The following NPHS1 variants were observed in gnomAD, a reference collection of about 807,000 sequenced individuals.
The protein encoded by NPHS1 is NPHS1 adhesion molecule, nephrin.
In NPHS1, 107 loss-of-function variants were observed where a neutral mutation model predicts 139.7. That is an observed-to-expected ratio of 0.77 (90% confidence interval 0.66 to 0.90). The LOEUF is 0.90. NPHS1 is among the 40% of genes least tolerant of loss of function. The pLI is 0.00. For synonymous variants in NPHS1, 707 were observed against 706.6 expected, an observed-to-expected ratio of 1.00 and a Z score of -0.01; for missense variants, 1,580 against 1,654.2, an observed-to-expected ratio of 0.96 and a Z score of 0.78.
Position 35,851,024 on chromosome 19 carries a change from C to G in NPHS1, c.463G>C (p.Glu155Gln). Residue 155 changes from glutamate to glutamine, a missense_variant, in exon 4 of 29, where the codon GAG (glutamate) becomes CAG (glutamine). Physicochemically the swap from Glu to Gln is conservative, Grantham distance 29. Coordinates refer to ENST00000378910, the MANE Select transcript of NPHS1 (RefSeq NM_004646.4). ...CCAGACACACAGTTGACCACGTACT[C>G]CTGCCCAGCTACCCAGGTGACCATG... is the stretch of plus-strand genomic sequence containing the variant. Reference protein sequence around the residue: ...GTMVTWVAGQEYVVNCVSGDA... With the variant: ...GTMVTWVAGQQYVVNCVSGDA... 6.2e-7 allele frequency: 1 copy of G among 1,614,204 alleles called. No homozygotes were observed. The highest frequency in any genetic ancestry group is 8.5e-7 in the Non-Finnish European group (1 of 1,180,042).
At chr19:35,840,921 C>T (rs948273703) in intron 20 of NPHS1, among the ~76,000 whole-genome samples, 9 of 149,790 alleles carry the variant, frequency 6.0e-5, no homozygotes, top group African/African-American at 1.5e-4. Context: ...GTGATCTGCC[C>T]GCCTCAGCCT....
chr19:35,835,278 G>A (rs1972941977), intron 23 of NPHS1, among the ~76,000 whole-genome samples: 1 of 146,538 alleles, frequency 6.8e-6, no homozygotes, highest in African/African-American at 2.5e-5. Flanking sequence ...CAATTCTGCA[G>A]GGACAGAACT....
Position 35,839,285 on chromosome 19 carries a change from C to G in NPHS1, c.3061G>C (p.Asp1021His), listed in dbSNP as rs534134186. 6.2e-7 allele frequency: 1 copy of G among 1,614,196 alleles called. No individual in the cohort carries two copies. Among genetic ancestry groups the G allele is most frequent in the Non-Finnish European group, 8.5e-7 (1 of 1,180,028 alleles). ...GTCCCTTTGTCAGCCAGTCCACTGT[C>G]CCCCAAGGCATTACTGGCCAGCAGC... ...VWLLASNALGDSGLADKGTQL... is the reference protein window; with the variant it reads ...VWLLASNALGHSGLADKGTQL... The change falls in exon 22 of 29, where the codon GAC becomes CAC. Residue 1021 changes from aspartate to histidine, a missense_variant. Physicochemically the swap from Asp to His is moderately conservative, Grantham distance 81 (BLOSUM62 -1). Transcript: ENST00000378910.
Position 35,826,090 on chromosome 19 carries a change from C to T in NPHS1, c.*424G>A. On this transcript the variant is annotated 3_prime_UTR_variant, in exon 29 of 29. Transcript: ENST00000378910. ...CCTCCCAAGTAGCTGGGACTACAGG[C>T]ATGCGCCACTACTCCTGGCTAATTT... The T allele has an allele frequency of 4.7e-6, 1 of 213,616 alleles. No homozygotes were observed. Among genetic ancestry groups the T allele is most frequent in the Non-Finnish European group, 9.7e-6 (1 of 103,154 alleles). 13.2% of individuals were successfully genotyped at this position (213,616 alleles called of 1,614,324 possible).
At position 35,830,835 on chromosome 19, in the gene NPHS1, G is replaced by C; in HGVS notation, c.3594+9C>G. Reference sequence around the variant, plus strand: ...CAGGAAGGATGGTTGCTGATGCAAAGCTTCTCACCATCTGCACTTCATCGT... The same window carrying C: ...CAGGAAGGATGGTTGCTGATGCAAACCTTCTCACCATCTGCACTTCATCGT... On this transcript the variant is annotated intron_variant, in intron 28 of 28. Transcript: ENST00000378910. 2 of 1,538,008 alleles carry C rather than the reference G, an allele frequency of 1.3e-6. No homozygotes were observed. The highest frequency in any genetic ancestry group is 1.8e-6 in the Non-Finnish European group (2 of 1,110,384).
rs1057517413 is a variant in NPHS1, at chr19:35,848,795, C to G, written c.1013-1G>C. 6.2e-7 allele frequency: 1 copy of G among 1,614,208 alleles called. No homozygotes were observed. The highest frequency in any genetic ancestry group is 1.7e-5 in the Admixed American group (1 of 60,030). On this transcript the variant is annotated splice_acceptor_variant, in intron 8 of 28. Transcript: ENST00000378910. LOFTEE classifies it high-confidence loss of function. ...AAGATAATAATGGCACTAGGGGGAA[C>G]TGCAGGGACAGAGAAGGAAGACACT...
rs1311946755 is a variant in NPHS1 at position 35,844,154 on chromosome 19, A to T, written c.2161T>A (p.Cys721Ser). 2 of 1,610,266 alleles carry T rather than the reference A, an allele frequency of 1.2e-6. No homozygotes were observed. Among genetic ancestry groups the T allele is most frequent in the Admixed American group, 3.3e-5 (2 of 60,012 alleles). Residue 721 changes from cysteine (C) to serine (S), a missense_variant, in exon 16 of 29, where the codon TGC (cysteine) becomes AGC (serine). Coordinates refer to ENST00000378910, the MANE Select transcript of NPHS1 (RefSeq NM_004646.4). Reference protein sequence around the residue: ...RADDGLYQLHCQNSEGTAEAR... With the variant: ...RADDGLYQLHSQNSEGTAEAR... Reference sequence around the variant, plus strand: ...TCCGCGGTGCCCTCAGAGTTCTGGCAGTGCAGCTGATAGAGGCCGTCGTCC... The same window carrying T: ...TCCGCGGTGCCCTCAGAGTTCTGGCTGTGCAGCTGATAGAGGCCGTCGTCC...
In NPHS1 at chr19:35,846,094, A is replaced by C. The variant is rs1395048156; in HGVS notation, c.1541T>G (p.Val514Gly). 6.3e-7 allele frequency: 1 copy of C among 1,596,800 alleles called. No individual in the cohort carries two copies. The highest frequency in any genetic ancestry group is 1.7e-5 in the Admixed American group (1 of 57,398). Reference protein sequence around the residue: ...KSGSTFSRELVLVTGPSDNQA... With the variant: ...KSGSTFSRELGLVTGPSDNQA... Reference sequence around the variant, plus strand: ...GTTGTCCGACGGCCCTGTGACCAGCACCAGCTCTCGGGAGAAGGTGCTCCC... The same window carrying C: ...GTTGTCCGACGGCCCTGTGACCAGCCCCAGCTCTCGGGAGAAGGTGCTCCC... The change falls in exon 12 of 29, where the codon GTG becomes GGG. Residue 514 changes from valine (V) to glycine (G), a missense_variant. Transcript: ENST00000378910.
intron 28 of NPHS1, among the ~76,000 whole-genome samples, chr19:35,829,973 A>G (rs1269397291): frequency 6.6e-6 from 1 of 152,182 alleles, no homozygotes; most frequent in Admixed American, 6.5e-5. Flanking sequence ...AGCCATAAAA[A>G]CATTTTTAGG....
chr19:35,830,450 C>T (rs956097282), intron 28 of NPHS1, among the ~76,000 whole-genome samples: 11 of 152,226 alleles, frequency 7.2e-5, no homozygotes, highest in African/African-American at 2.7e-4. Context: ...TGCTCTGTTG[C>T]CCAAGCTGGA....
At position 35,845,767 on chromosome 19, in the gene NPHS1, G is replaced by A. The variant is rs1211725824; in HGVS notation, c.1659C>T (p.Asn553=). The A allele has an allele frequency of 1.2e-6, 2 of 1,614,078 alleles. No homozygotes were observed. Among genetic ancestry groups the A allele is most frequent in the Non-Finnish European group, 8.5e-7 (1 of 1,179,934 alleles). The part of the protein sequence containing the change: ...FPPTNVTILA[N]ASALRPGDAL... ...CGTCTCCCGGGCGCAGTGCGGATGC[G>A]TTGGCCAGGATCGTCACGTTAGTTG... The change falls in exon 13 of 29, where the codon AAC becomes AAT. Residue 553 remains asparagine (N), a synonymous_variant. Transcript: ENST00000378910. This position sits in a 1 kb window ranked among gnomAD's most constrained non-coding sequence, Gnocchi z 5.5.
Position 35,844,174 on chromosome 19 carries a change from T to C in NPHS1, c.2141A>G (p.Asp714Gly). ...LHLWNVTRAD[D>G]GLYQLHCQNS... The stretch of plus-strand genomic sequence containing the variant: ...CTGGCAGTGCAGCTGATAGAGGCCG[T>C]CGTCCGCGCGGGTCACATTCCACAG... The change falls in exon 16 of 29, where the codon GAC becomes GGC. Residue 714 changes from aspartate to glycine, a missense_variant. Physicochemically the swap from Asp to Gly is moderately conservative, Grantham distance 94. Coordinates refer to ENST00000378910, the MANE Select transcript of NPHS1 (RefSeq NM_004646.4). The C allele has an allele frequency of 6.2e-7, 1 of 1,611,274 alleles. No individual in the cohort carries two copies. The highest frequency in any genetic ancestry group is 8.5e-7 in the Non-Finnish European group (1 of 1,179,988).
rs1401436932 is a variant in NPHS1, at chr19:35,839,411, C to T, written c.2935G>A (p.Ala979Thr). ...TAGTGGAACCCTGGAGTCCCCAGGG[C>T]CTCATACCTGCAGGACAGGGGGATA... Reference protein sequence around the residue: ...LPQRFCIRYEALGTPGFHYVD... With the variant: ...LPQRFCIRYETLGTPGFHYVD... Residue 979 changes from alanine to threonine, a missense_variant, in exon 22 of 29, where the codon GCC becomes ACC. Coordinates refer to ENST00000378910, the MANE Select transcript of NPHS1 (RefSeq NM_004646.4). 1 of 1,613,878 alleles carries T rather than the reference C, an allele frequency of 6.2e-7. No homozygotes were observed. Among genetic ancestry groups the T allele is most frequent in the Admixed American group, 1.7e-5 (1 of 59,992 alleles).
At chr19:35,847,927 C>A in intron 11 of NPHS1, 114 bp downstream of exon 11, 1 of 1,179,676 alleles carries the variant, frequency 8.5e-7, no homozygotes, top group Non-Finnish European at 1.2e-6. Flanking sequence ...ATCTTTAGTA[C>A]TTTTCAAGAA....
At chr19:35,847,170 C>G (rs1045723339) in intron 11 of NPHS1, among the ~76,000 whole-genome samples, 1 of 151,760 alleles carries the variant, frequency 6.6e-6, no homozygotes, top group Non-Finnish European at 1.5e-5. Flanking sequence ...CTCAGCCTCC[C>G]GAGTAGCTGG....
intron 4 of NPHS1, 89 bp from the exon 5 acceptor site, chr19:35,850,534 CG>C: frequency 3.6e-6 from 4 of 1,096,444 alleles, no homozygotes; most frequent in Non-Finnish European, 4.2e-6. Context: ...AGGGTGGGTG[CG>C]ATGCCCCCTC....
At chr19:35,848,921 C>A in intron 8 of NPHS1, 55 bp downstream of exon 8, 2 of 1,611,072 alleles carry the variant, frequency 1.2e-6, no homozygotes, top group Non-Finnish European at 1.7e-6. Flanking sequence ...GGGGCACACA[C>A]AGATGGTTCT....
At chr19:35,843,258 C>G (rs1179065627) in intron 17 of NPHS1, among the ~76,000 whole-genome samples, 2 of 152,216 alleles carry the variant, frequency 1.3e-5, no homozygotes, top group African/African-American at 2.4e-5. Context: ...TTTGACCTAT[C>G]TATCCATCTA....
Position 35,841,845 on chromosome 19 carries a change from G to C in NPHS1, c.2685C>G (p.His895Gln). Residue 895 changes from histidine (H) to glutamine (Q), a missense_variant, in exon 20 of 29, where the codon CAC becomes CAG. Transcript: ENST00000378910. ...GGAGGCTGCTGTGGACACCACCCTG[G>C]TGGTATGTGTGCTCCGTGTACCTAG... is the stretch of plus-strand genomic sequence containing the variant. The part of the protein sequence containing the change: ...QDPRYTEHTY[H>Q]QGGVHSSLLT... 1.9e-6 allele frequency: 3 copies of C among 1,613,012 alleles called. No homozygotes were observed. Among genetic ancestry groups the C allele is most frequent in the South Asian group, 1.1e-5 (1 of 90,810 alleles).
Sources: allele counts gnomAD v4.1 joint callset (sites outside exome capture counted in the v4.1 genomes callset), GRCh38; gene constraint gnomAD v4.1.1; non-coding constraint Gnocchi (gnomAD v3.1); transcripts MANE v1.5; gene names NCBI Gene and HGNC (gene_info 2026-07-23, HGNC 2026-07-21).